The following LRFN5 variants were observed in gnomAD, a reference collection of about 807,000 sequenced individuals.
The protein encoded by LRFN5 is leucine-rich repeat and fibronectin type-III domain-containing protein 5.
Under a neutral mutation model 45.6 loss-of-function variants are expected in LRFN5, and 24 were observed. That is an observed-to-expected ratio of 0.53 (90% CI 0.38 to 0.74). LRFN5 has a LOEUF of 0.74. Among genes scored for constraint, LRFN5 ranks in the 30% least tolerant of loss-of-function variants. LRFN5 has a pLI of 0.00. For synonymous variants in LRFN5, 340 were observed against 313.8 expected (o/e 1.08, Z -0.88); for missense variants, 776 against 861.5 (o/e 0.90, Z 1.24).
chr14:41,831,357 A>C (rs1359218344), intron 2 of LRFN5, among the ~76,000 whole-genome samples: 1 of 152,198 alleles, frequency 6.6e-6, no homozygotes, highest in Non-Finnish European at 1.5e-5. Context: ...TTGTATGTGT[A>C]ATGTTTGCTT....
intron 5 of LRFN5, among the ~76,000 whole-genome samples, chr14:41,900,040 C>G (rs1891056624): frequency 1.3e-5 from 2 of 152,038 alleles, no homozygotes; most frequent in South Asian, 4.1e-4. Flanking sequence ...CTTTCCATCT[C>G]TCTCTCTCTA....
intron 1 of LRFN5, among the ~76,000 whole-genome samples, chr14:41,677,505 G>T (rs1881688100): frequency 1.3e-5 from 2 of 152,046 alleles, no homozygotes; most frequent in Middle Eastern, 3.4e-3. Context: ...TTACAGGATG[G>T]TATAATGGAA....
intron 1 of LRFN5, among the ~76,000 whole-genome samples, chr14:41,678,399 C>G (rs553818094): frequency 6.9e-4 from 105 of 151,938 alleles, no homozygotes; most frequent in African/African-American, 2.4e-3. Context: ...ATTTATGAAG[C>G]AAAAACTAAT....
rs981763652 is a variant in LRFN5 at position 41,862,776 on chromosome 14, T to C, written c.-20-23830T>C. On this transcript the variant is annotated intron_variant, in intron 2 of 5. Coordinates refer to ENST00000298119, the MANE Select transcript of LRFN5 (RefSeq NM_152447.5). ...CAGTGTTATTTTATTCTGTATTTTC[T>C]TGATGACTAGTAAGGTTGACTACCT... Among the ~76,000 whole-genome samples the C allele has an allele frequency of 2.0e-4, 30 of 152,258 alleles. 1 individual carries two copies. Among genetic ancestry groups the C allele is most frequent in the African/African-American group, 7.2e-4 (30 of 41,552 alleles).
chr14:41,832,718 G>A (rs1385725373), intron 2 of LRFN5, among the ~76,000 whole-genome samples: 1 of 152,068 alleles, frequency 6.6e-6, no homozygotes, highest in Non-Finnish European at 1.5e-5. Flanking sequence ...ATACTGTAAA[G>A]CATTGCCCCA....
At chr14:41,736,317 A>G (rs147861461) in intron 1 of LRFN5, among the ~76,000 whole-genome samples, 25,278 of 152,206 alleles carry the variant, frequency 0.17, 2,199 homozygotes, top group Admixed American at 0.19. Flanking sequence ...ATGAGATGGT[A>G]TCTCATTGTG....
intron 1 of LRFN5, among the ~76,000 whole-genome samples, chr14:41,690,890 G>T (rs1882350730): frequency 1.3e-5 from 2 of 151,840 alleles, no homozygotes; most frequent in Admixed American, 6.6e-5. Context: ...TTTTTCATTT[G>T]ATTGCTCATA....
At chr14:41,791,913 AC>A (rs1886935057) in intron 2 of LRFN5, among the ~76,000 whole-genome samples, 1 of 152,162 alleles carries the variant, frequency 6.6e-6, no homozygotes, top group African/African-American at 2.4e-5. Flanking sequence ...TATAAGCAAT[AC>A]AGTTCCTTTC....
At chr14:41,744,977 A>G (rs1884862555) in intron 1 of LRFN5, among the ~76,000 whole-genome samples, 1 of 152,140 alleles carries the variant, frequency 6.6e-6, no homozygotes, top group Non-Finnish European at 1.5e-5. Flanking sequence ...TAGAACAACT[A>G]TAAACAGAAG....
intron 1 of LRFN5, among the ~76,000 whole-genome samples, chr14:41,675,986 C>T (rs1881611966): frequency 6.6e-6 from 1 of 152,170 alleles, no homozygotes; most frequent in South Asian, 2.1e-4. Context: ...CACCCCACCA[C>T]CAGCAGCTCC....
At chr14:41,670,256 G>GATAT (rs1165968461) in intron 1 of LRFN5, among the ~76,000 whole-genome samples, 75 of 45,726 alleles carry the variant, frequency 1.6e-3, no homozygotes, top group Non-Finnish European at 2.4e-3. Flanking sequence ...CATACACACA[G>GATAT]ATATATATAT....
At chr14:41,710,529 T>C (rs4904738) in intron 1 of LRFN5, among the ~76,000 whole-genome samples, 86,498 of 151,860 alleles carry the variant, frequency 0.57, 26,312 homozygotes, top group East Asian at 0.94. Flanking sequence ...AAGATAATAG[T>C]AGTTCATTTT....
chr14:41,736,322 A>G (rs1052710814), intron 1 of LRFN5, among the ~76,000 whole-genome samples: 4 of 152,146 alleles, frequency 2.6e-5, no homozygotes, highest in African/African-American at 9.7e-5. Context: ...ATGGTATCTC[A>G]TTGTGGTTTT....
chr14:41,718,498 A>G (rs998821886), intron 1 of LRFN5, among the ~76,000 whole-genome samples: 7 of 152,218 alleles, frequency 4.6e-5, no homozygotes, highest in African/African-American at 1.4e-4. Context: ...TTTTAAGCCT[A>G]TATTTTACAT....
chr14:41,655,846 G>A (rs1268069357), intron 1 of LRFN5, among the ~76,000 whole-genome samples: 1 of 151,926 alleles, frequency 6.6e-6, no homozygotes, highest in Non-Finnish European at 1.5e-5. Flanking sequence ...ACAGTTTTGA[G>A]CTCTGTTGTT....
intron 2 of LRFN5, among the ~76,000 whole-genome samples, chr14:41,770,100 T>C (rs1261959505): frequency 6.6e-6 from 1 of 152,086 alleles, no homozygotes; most frequent in African/African-American, 2.4e-5. Context: ...GGGGAGGTGC[T>C]TCACTCTTTT....
chr14:41,674,334 C>A (rs1176470435), intron 1 of LRFN5, among the ~76,000 whole-genome samples: 1 of 131,260 alleles, frequency 7.6e-6, no homozygotes, highest in Non-Finnish European at 1.6e-5. Context: ...GGGGGCCGAC[C>A]CCCCCACCTC....
At chr14:41,788,842 G>A (rs12884648) in intron 2 of LRFN5, among the ~76,000 whole-genome samples, 19,019 of 151,912 alleles carry the variant, frequency 0.13, 1,270 homozygotes, top group East Asian at 0.22. Flanking sequence ...TAATTCCTTA[G>A]GTACTTCCCA....
chr14:41,830,691 A>G (rs1888447300), intron 2 of LRFN5, among the ~76,000 whole-genome samples: 1 of 152,166 alleles, frequency 6.6e-6, no homozygotes, highest in African/African-American at 2.4e-5. Flanking sequence ...CCTGAGCTGC[A>G]GGGAAGCTGG....
Sources: gnomAD v4.1 joint callset for allele counts (sites outside exome capture counted in the v4.1 genomes callset) on GRCh38, gnomAD v4.1.1 for gene constraint, MANE v1.5 for transcripts, NCBI Gene and HGNC (gene_info 2026-07-23, HGNC 2026-07-21) for gene names.